APBB2: variants seen among roughly 807,000 people sequenced by gnomAD.
The protein encoded by APBB2 is amyloid beta precursor protein binding family B member 2, also known as Fe65-like 1.
A neutral mutation model predicts 82.5 loss-of-function variants in APBB2; 38 were observed. That is an observed-to-expected ratio of 0.46 (90% CI 0.36 to 0.60). The LOEUF is 0.60. APBB2 is among the 20% of genes least tolerant of loss of function. The probability of loss-of-function intolerance (pLI) is 0.00; values close to 1 mark genes in which losing one functional copy is unlikely to be tolerated. For missense variants in APBB2, 772 were observed against 972.3 expected (o/e 0.79, Z 2.74); for synonymous variants, 341 against 368.2 (o/e 0.93, Z 0.85).
At chr4:40,839,704 G>T (rs1214513113) in intron 12 of APBB2, among the ~76,000 whole-genome samples, 1 of 149,916 alleles carries the variant, frequency 6.7e-6, no homozygotes, top group Non-Finnish European at 1.5e-5. Context: ...TCGCTCTGTT[G>T]CCCAGGCTGG....
chr4:41,080,326 A>G (rs1737136475), intron 3 of APBB2, among the ~76,000 whole-genome samples: 2 of 152,230 alleles, frequency 1.3e-5, no homozygotes, highest in African/African-American at 4.8e-5. Context: ...AGAAGTTAAG[A>G]TAGAGAGCTT....
chr4:40,945,107 G>C (rs754636944), intron 6 of APBB2, 34 bp from the exon 7 acceptor site: 2 of 1,383,172 alleles, frequency 1.4e-6, no homozygotes, highest in South Asian at 1.1e-5. Context: ...GGGGGAGAAA[G>C]AGAGAATTTT....
At chr4:41,063,601 G>A (rs1324715570) in intron 4 of APBB2, among the ~76,000 whole-genome samples, 1 of 152,200 alleles carries the variant, frequency 6.6e-6, no homozygotes, top group Admixed American at 6.5e-5. Flanking sequence ...CTGCTATAAA[G>A]TGCCACTGCT....
intron 12 of APBB2, among the ~76,000 whole-genome samples, chr4:40,883,309 C>T (rs1202919139): frequency 5.3e-5 from 8 of 151,874 alleles, no homozygotes; most frequent in Admixed American, 4.6e-4. Flanking sequence ...GGTAACAGAG[C>T]GAGACGGTGG....
intron 17 of APBB2, among the ~76,000 whole-genome samples, chr4:40,817,636 C>T (rs1033293241): frequency 1.9e-4 from 29 of 151,904 alleles, no homozygotes; most frequent in African/African-American, 6.8e-4. Context: ...ACCTCCACCC[C>T]GCCCCACGTA....
At chr4:40,840,106 G>A (rs1012551506) in intron 12 of APBB2, among the ~76,000 whole-genome samples, 2 of 152,202 alleles carry the variant, frequency 1.3e-5, no homozygotes, top group African/African-American at 4.8e-5. Context: ...TGCAAATAAG[G>A]ATAAGACAGC....
At chr4:41,207,328 A>G (rs374894569) in intron 1 of APBB2, among the ~76,000 whole-genome samples, 50 of 152,214 alleles carry the variant, frequency 3.3e-4, no homozygotes, top group East Asian at 1.5e-3. Context: ...ATCATTCTGA[A>G]GCTTCCTCCA....
At chr4:40,865,998 T>G (rs944595385) in intron 12 of APBB2, among the ~76,000 whole-genome samples, 1 of 152,212 alleles carries the variant, frequency 6.6e-6, no homozygotes, top group African/African-American at 2.4e-5. Context: ...CTTTCTTACT[T>G]TGCTGTTGCG....
chr4:40,978,370 A>T (rs1797685189), intron 6 of APBB2, among the ~76,000 whole-genome samples: 1 of 152,218 alleles, frequency 6.6e-6, no homozygotes, highest in South Asian at 2.1e-4. Context: ...GTATTTGGTA[A>T]CAGTCACCTT....
At chr4:41,165,645 T>C (rs543251601) in intron 1 of APBB2, among the ~76,000 whole-genome samples, 1 of 152,094 alleles carries the variant, frequency 6.6e-6, no homozygotes, top group African/African-American at 2.4e-5. Flanking sequence ...CACCAGGAGG[T>C]TGCCTCAAGA....
At chr4:41,047,457 T>C (rs1271506419) in intron 4 of APBB2, among the ~76,000 whole-genome samples, 1 of 152,276 alleles carries the variant, frequency 6.6e-6, no homozygotes, top group Non-Finnish European at 1.5e-5. Flanking sequence ...CCCACAGGGA[T>C]AGGGCTCCAG....
At chr4:40,975,796 C>A (rs568292925) in intron 6 of APBB2, among the ~76,000 whole-genome samples, 1 of 106,014 alleles carries the variant, frequency 9.4e-6, no homozygotes, top group African/African-American at 3.4e-5. Context: ...ACACAACAAC[C>A]ACTCTACTTT....
intron 1 of APBB2, chr4:41,193,517 A>G: frequency 1.0e-6 from 1 of 977,170 alleles, no homozygotes; most frequent in South Asian, 4.7e-5. Flanking sequence ...AGACCATGGT[A>G]CTCCCACAGG....
intron 6 of APBB2, among the ~76,000 whole-genome samples, chr4:40,972,990 GA>G (rs982807447): frequency 2.0e-5 from 3 of 152,206 alleles, no homozygotes; most frequent in Non-Finnish European, 2.9e-5. Context: ...TATTTGTTGA[GA>G]ACCAGTGGTA....
chr4:40,976,473 G>C (rs1052068800), intron 6 of APBB2, among the ~76,000 whole-genome samples: 2 of 152,136 alleles, frequency 1.3e-5, no homozygotes, highest in African/African-American at 4.8e-5. Flanking sequence ...GGTTAGCTAA[G>C]GTATTCTAAA....
At chr4:40,933,982 G>A (rs1252603546) in intron 10 of APBB2, among the ~76,000 whole-genome samples, 4 of 152,084 alleles carry the variant, frequency 2.6e-5, no homozygotes, top group African/African-American at 7.2e-5. Context: ...TGCCCCAACT[G>A]CCCCCAGTTT....
chr4:40,988,364 G>A (rs986561256), intron 6 of APBB2, among the ~76,000 whole-genome samples: 1 of 151,564 alleles, frequency 6.6e-6, no homozygotes, highest in Non-Finnish European at 1.5e-5. Context: ...GCCAGGAATG[G>A]TGGCTCATGC....
At chr4:40,889,730 T>C (rs17514044) in intron 12 of APBB2, among the ~76,000 whole-genome samples, 74 of 152,222 alleles carry the variant, frequency 4.9e-4, no homozygotes, top group Non-Finnish European at 9.0e-4. Context: ...CCAATCATCC[T>C]GGAGAACATA....
chr4:41,124,440 C>G (rs1295584719), intron 2 of APBB2, among the ~76,000 whole-genome samples: 2 of 152,060 alleles, frequency 1.3e-5, no homozygotes, highest in African/African-American at 4.8e-5. Context: ...GATCTCTTGA[C>G]GTCGTGATCC....
Sources: allele counts gnomAD v4.1 joint callset (sites outside exome capture counted in the v4.1 genomes callset), GRCh38; gene constraint gnomAD v4.1.1; transcripts MANE v1.5; gene names NCBI Gene and HGNC (gene_info 2026-07-23, HGNC 2026-07-21).